The following ADCY8 variants were observed in gnomAD, a reference collection of about 807,000 sequenced individuals.
ADCY8 encodes adenylate cyclase 8.
A neutral mutation model predicts 119.7 loss-of-function variants in ADCY8; 51 were observed. The observed-to-expected ratio is 0.43, with a 90% CI of 0.34 to 0.54. The LOEUF (loss-of-function observed/expected upper bound fraction) is 0.54, where lower values mean the gene tolerates loss of function less well. Among genes scored for constraint, ADCY8 ranks in the 20% least tolerant of loss-of-function variants. The probability of loss-of-function intolerance (pLI) is 0.03; values close to 1 mark genes in which losing one functional copy is unlikely to be tolerated. For synonymous variants in ADCY8, 665 were observed against 651.0 expected (o/e 1.02, Z -0.33); for missense variants, 1,383 against 1,598.8 (o/e 0.87, Z 2.30).
chr8:130,819,387 G>A (rs1361414733), intron 13 of ADCY8, among the ~76,000 whole-genome samples: 2 of 152,198 alleles, frequency 1.3e-5, no homozygotes, highest in Non-Finnish European at 2.9e-5. Flanking sequence ...AATGCAATTA[G>A]GTTATCTGCT....
chr8:130,990,710 G>A, intron 1 of ADCY8, 168 bp from the exon 2 acceptor site: 2 of 808,180 alleles, frequency 2.5e-6, no homozygotes, highest in South Asian at 2.4e-5. Flanking sequence ...TGAGGCAAAT[G>A]TCATCCCTTT....
chr8:130,963,049 C>T (rs1821653013), intron 2 of ADCY8, among the ~76,000 whole-genome samples: 1 of 151,734 alleles, frequency 6.6e-6, no homozygotes, highest in Non-Finnish European at 1.5e-5. Context: ...TTAAGTAAAT[C>T]AGGCAACTCA....
chr8:131,027,473 G>A (rs1278060707), intron 1 of ADCY8, among the ~76,000 whole-genome samples: 3 of 152,186 alleles, frequency 2.0e-5, no homozygotes, highest in Non-Finnish European at 4.4e-5. Flanking sequence ...GGGGAGTGTT[G>A]GGGTGGTTCA....
rs986844135 is a variant in ADCY8, at chr8:130,849,571, A to G, written c.2412+31T>C. ...CTTCATGCTCAACTGCACACTAGAC[A>G]CCAGAGGGTTGGTGGATGTGGGATG... On this transcript the variant is annotated intron_variant, in intron 10 of 17. Coordinates refer to ENST00000286355, the MANE Select transcript of ADCY8 (RefSeq NM_001115.3). The G allele has an allele frequency of 5.0e-6, 8 of 1,610,222 alleles. No individual in the cohort carries two copies. In the African/African-American group the frequency reaches 9.4e-5, roughly 19 times the overall value.
chr8:130,878,861 T>C (rs1359531893), intron 8 of ADCY8, among the ~76,000 whole-genome samples: 1 of 152,224 alleles, frequency 6.6e-6, no homozygotes, highest in African/African-American at 2.4e-5. Flanking sequence ...ATGGCTTGAT[T>C]ATCACAGTTT....
intron 1 of ADCY8, among the ~76,000 whole-genome samples, chr8:131,020,066 A>C (rs1411633563): frequency 6.6e-6 from 1 of 152,246 alleles, no homozygotes; most frequent in South Asian, 2.1e-4. Context: ...GGTCTTTCAA[A>C]GAACTGAATG....
chr8:130,786,462 G>T (rs571595917), intron 15 of ADCY8, among the ~76,000 whole-genome samples: 1 of 152,280 alleles, frequency 6.6e-6, no homozygotes, highest in African/African-American at 2.4e-5. Flanking sequence ...GCATATGTCA[G>T]GTTACATGAC....
At chr8:130,800,642 G>C in intron 14 of ADCY8, 70 bp from the exon 15 acceptor site, 24 of 1,530,556 alleles carry the variant, frequency 1.6e-5, no homozygotes, top group African/African-American at 1.4e-5. Context: ...TGCTTCCTGT[G>C]CACACATGTG....
chr8:130,995,767 C>A (rs1030393456), intron 1 of ADCY8, among the ~76,000 whole-genome samples: 3 of 152,086 alleles, frequency 2.0e-5, no homozygotes, highest in Non-Finnish European at 4.4e-5. Context: ...TAGGATTTCC[C>A]TGCTATACTT....
Position 130,980,569 on chromosome 8 carries a change from A to G in ADCY8, c.1110+9824T>C, listed in dbSNP as rs183108680. Among the ~76,000 whole-genome samples, 1,066 of 152,292 alleles carry G rather than the reference A, an allele frequency of 7.0e-3. 17 individuals carry two copies. Among genetic ancestry groups the G allele is most frequent in the African/African-American group, 0.024 (988 of 41,558 alleles). ...TTACTGCATGTCAGGGAAAATGGAG[A>G]GGACGGGTAGTGTGAGCTTGAAGAG... On this transcript the variant is annotated intron_variant, in intron 2 of 17. Coordinates refer to ENST00000286355, the MANE Select transcript of ADCY8 (RefSeq NM_001115.3).
chr8:130,887,435 G>C (rs1396698772), intron 7 of ADCY8, among the ~76,000 whole-genome samples: 1 of 152,086 alleles, frequency 6.6e-6, no homozygotes, highest in Non-Finnish European at 1.5e-5. Context: ...ATAATGTGGT[G>C]GAGAATTCTT....
intron 5 of ADCY8, among the ~76,000 whole-genome samples, chr8:130,934,571 T>A (rs753142188): frequency 6.6e-6 from 1 of 152,174 alleles, no homozygotes; most frequent in East Asian, 1.9e-4. Flanking sequence ...CGCAGTCCCA[T>A]TGTCCCCCTT....
chr8:131,002,951 A>C (rs1822997438), intron 1 of ADCY8, among the ~76,000 whole-genome samples: 1 of 152,220 alleles, frequency 6.6e-6, no homozygotes, highest in Non-Finnish European at 1.5e-5. Context: ...CCTGCATCCC[A>C]GCACTTTGGA....
chr8:130,899,540 A>G (rs1819525726), intron 7 of ADCY8, among the ~76,000 whole-genome samples: 1 of 151,950 alleles, frequency 6.6e-6, no homozygotes, highest in South Asian at 2.1e-4. Flanking sequence ...CGGGAGGCGG[A>G]GGTTGCAGTG....
intron 2 of ADCY8, among the ~76,000 whole-genome samples, chr8:130,957,429 A>G (rs570854483): frequency 9.3e-4 from 141 of 152,326 alleles, no homozygotes; most frequent in Non-Finnish European, 1.8e-3. Context: ...ATTCAGTTTT[A>G]TAAGGGAAGC....
intron 12 of ADCY8, among the ~76,000 whole-genome samples, chr8:130,823,659 T>A (rs1816586787): frequency 6.6e-6 from 1 of 152,138 alleles, no homozygotes; most frequent in African/African-American, 2.4e-5. Context: ...ATCACAAAAA[T>A]TAATATTTGA....
chr8:130,991,319 G>A (rs1164898750), intron 1 of ADCY8, among the ~76,000 whole-genome samples: 2 of 152,206 alleles, frequency 1.3e-5, no homozygotes, highest in African/African-American at 4.8e-5. Flanking sequence ...TATAACTCCA[G>A]TAGAAAATGC....
intron 1 of ADCY8, among the ~76,000 whole-genome samples, chr8:130,998,672 T>C (rs1822853453): frequency 2.0e-5 from 3 of 152,142 alleles, no homozygotes; most frequent in Admixed American, 2.0e-4. Context: ...GGAGACAAGT[T>C]AGAGGCTGCT....
In ADCY8 at chr8:131,013,465, G is replaced by A. The variant is rs138318002; in HGVS notation, c.961-22923C>T. 3.9e-3 allele frequency among the ~76,000 whole-genome samples: 594 copies of A among 152,244 alleles called. 5 individuals are homozygous for A. Among genetic ancestry groups the A allele is most frequent in the South Asian group, 0.019 (90 of 4,814 alleles). ...CCACTTCAAGCTCATGGTAAAAACC[G>A]ATATAGAGTTCTTCAGAAAATAATT... On this transcript the variant is annotated intron_variant, in intron 1 of 17. Coordinates refer to ENST00000286355, the MANE Select transcript of ADCY8 (RefSeq NM_001115.3).
Sources: allele counts gnomAD v4.1 joint callset (sites outside exome capture counted in the v4.1 genomes callset), GRCh38; gene constraint gnomAD v4.1.1; transcripts MANE v1.5; gene names NCBI Gene and HGNC (gene_info 2026-07-23, HGNC 2026-07-21).